The following TYW1 variants were observed in gnomAD, a reference collection of about 807,000 sequenced individuals.
The protein encoded by TYW1 is tRNA-yW synthesizing protein 1 homolog, also known as S-adenosyl-L-methionine-dependent tRNA 4-demethylwyosine synthase TYW1.
TYW1 carries 46 observed loss-of-function variants against 96.2 expected under a neutral mutation model. The observed-to-expected ratio is 0.48, with a 90% CI of 0.38 to 0.61. The LOEUF (loss-of-function observed/expected upper bound fraction) is 0.61. Ranked by LOEUF, TYW1 falls within the 20% of genes least tolerant of loss-of-function variation. The probability of loss-of-function intolerance (pLI) is 0.00; values close to 1 mark genes in which losing one functional copy is unlikely to be tolerated. For synonymous variants in TYW1, 274 were observed against 323.0 expected, an observed-to-expected ratio of 0.85 and a Z score of 1.63; for missense variants, 684 against 909.6, an observed-to-expected ratio of 0.75 and a Z score of 3.19.
chr7:67,093,499 G>A (rs1796786975), intron 11 of TYW1, among the ~76,000 whole-genome samples: 1 of 152,164 alleles, frequency 6.6e-6, no homozygotes, highest in African/African-American at 2.4e-5. Flanking sequence ...GGTTGGTTTT[G>A]GAGTTCAGGT....
At position 67,214,170 on chromosome 7, in the gene TYW1, C is replaced by G. The variant is rs548238101; in HGVS notation, c.1977+18833C>G. Among the ~76,000 whole-genome samples the G allele has an allele frequency of 5.3e-5, 8 of 152,148 alleles. No homozygotes were observed. The East Asian group carries it at 1.5e-3, about 29-fold the overall frequency. On this transcript the variant is annotated intron_variant, in intron 15 of 15. Transcript: ENST00000359626. ...ATATCCTCCCATTTACTGAAATATGCCTGATTTTTTTTAATCAGACTTTGT... is the reference window on the plus strand; with the variant it reads ...ATATCCTCCCATTTACTGAAATATGGCTGATTTTTTTTAATCAGACTTTGT...
intron 7 of TYW1, among the ~76,000 whole-genome samples, chr7:67,029,416 T>TATACATATATATATATATAC (rs1794591001): frequency 8.0e-4 from 78 of 97,504 alleles, no homozygotes; most frequent in Non-Finnish European, 1.1e-3. Context: ...TGTGTGTGTG[T>TATACATATATATATATATAC]ATATATATAT....
At position 67,048,089 on chromosome 7, in the gene TYW1, C is replaced by CGTGTTAAAATTTTTAATCTGTTATAT. The variant is rs57594073; in HGVS notation, c.985-1860_985-1859insGTGTTAAAATTTTTAATCTGTTATAT. Among the ~76,000 whole-genome samples, 2 of 78,364 alleles carry CGTGTTAAAATTTTTAATCTGTTATAT rather than the reference C, an allele frequency of 2.6e-5. 1 individual carries two copies. The highest frequency in any genetic ancestry group is 1.0e-4 in the African/African-American group (2 of 19,486). The allele number at this position is 78,364 out of a possible 152,430, so 51.4% of individuals were successfully genotyped here. A position where few individuals can be genotyped will look rare whatever the true frequency, so the allele number is the denominator to read the frequency against. On this transcript the variant is annotated intron_variant, in intron 7 of 15. Coordinates refer to ENST00000359626, the MANE Select transcript of TYW1 (RefSeq NM_018264.4). ...AGGCGTGAGCCAACGTGCCCAGCCA[C>CGTGTTAAAATTTTTAATCTGTTATAT]ATATGGGGGACATTGAATGTTCTCA...
At chr7:67,133,854 CT>C (rs1296557977) in intron 13 of TYW1, among the ~76,000 whole-genome samples, 1 of 151,548 alleles carries the variant, frequency 6.6e-6, no homozygotes, top group Non-Finnish European at 1.5e-5. Context: ...TTCTTTCTGC[CT>C]GTAATGGGCT....
intron 11 of TYW1, among the ~76,000 whole-genome samples, chr7:67,092,992 G>A (rs148784740): frequency 0.063 from 9,608 of 151,766 alleles, 418 homozygotes; most frequent in South Asian, 0.11. Context: ...CCAAAACTTC[G>A]TCTTTACCAA....
intron 13 of TYW1, among the ~76,000 whole-genome samples, chr7:67,182,697 A>C (rs1447037131): frequency 6.6e-6 from 1 of 152,264 alleles, no homozygotes; most frequent in East Asian, 1.9e-4. Flanking sequence ...ATGAGGGAGT[A>C]GGAAAGAAGA....
intron 13 of TYW1, among the ~76,000 whole-genome samples, chr7:67,127,553 T>TA: frequency 6.6e-6 from 1 of 152,350 alleles, no homozygotes; most frequent in East Asian, 1.9e-4. Flanking sequence ...GCATAATCAA[T>TA]ATATTGTTGC....
chr7:67,178,613 C>G (rs370497779), intron 13 of TYW1, among the ~76,000 whole-genome samples: 2 of 152,060 alleles, frequency 1.3e-5, no homozygotes, highest in East Asian at 3.9e-4. Flanking sequence ...TGAAAATGAA[C>G]AAACCTAAAC....
At chr7:67,006,683 G>T (rs369513081) in intron 3 of TYW1, among the ~76,000 whole-genome samples, 1 of 151,786 alleles carries the variant, frequency 6.6e-6, no homozygotes, top group Non-Finnish European at 1.5e-5. Context: ...CAAGTGATCC[G>T]CCCGCCTTGA....
intron 15 of TYW1, 104 bp from the exon 16 acceptor site, chr7:67,238,204 G>A (rs893500726): frequency 6.7e-5 from 101 of 1,516,310 alleles, no homozygotes; most frequent in Middle Eastern, 5.5e-4. Context: ...TTTTCTTGAC[G>A]TGATAGGGAG....
At chr7:67,059,642 C>G (rs780770320) in intron 9 of TYW1, among the ~76,000 whole-genome samples, 5 of 148,958 alleles carry the variant, frequency 3.4e-5, no homozygotes, top group Non-Finnish European at 3.0e-5. Flanking sequence ...TAACTCTCCT[C>G]ATGGTCTTCC....
At chr7:67,021,023 G>A (rs984208421) in intron 6 of TYW1, among the ~76,000 whole-genome samples, 3 of 152,280 alleles carry the variant, frequency 2.0e-5, no homozygotes, top group African/African-American at 7.2e-5. Flanking sequence ...GCGAGACGCT[G>A]TCTCCAAAAA....
At chr7:66,998,015 C>A in intron 1 of TYW1, 50 bp from the exon 2 acceptor site, 1 of 1,518,358 alleles carries the variant, frequency 6.6e-7, no homozygotes, top group Non-Finnish European at 8.8e-7. Context: ...GGATGGATAT[C>A]TTTGTATATG....
At chr7:67,035,887 C>A (rs1290921117) in intron 7 of TYW1, among the ~76,000 whole-genome samples, 1 of 151,544 alleles carries the variant, frequency 6.6e-6, no homozygotes, top group African/African-American at 2.4e-5. Context: ...CCGTGTTAGC[C>A]AGGATGGTCC....
chr7:67,220,718 G>A (rs1801361122), intron 15 of TYW1, among the ~76,000 whole-genome samples: 1 of 149,736 alleles, frequency 6.7e-6, no homozygotes, highest in Non-Finnish European at 1.5e-5. Context: ...CCCTTCAAGT[G>A]CTTTATTTTC....
intron 13 of TYW1, among the ~76,000 whole-genome samples, chr7:67,146,509 A>C (rs74481573): frequency 0.14 from 21,376 of 151,292 alleles, 1,879 homozygotes; most frequent in East Asian, 0.29. Context: ...CACTGAACAC[A>C]ATGGAGCAAG....
intron 3 of TYW1, 91 bp downstream of exon 3, chr7:66,999,045 A>C: frequency 7.6e-7 from 1 of 1,323,434 alleles, no homozygotes; most frequent in Non-Finnish European, 1.1e-6. Context: ...ACTGTCCTTT[A>C]GCAGTGAACT....
intron 6 of TYW1, among the ~76,000 whole-genome samples, chr7:67,018,973 AG>A (rs772206757): frequency 0.11 from 10,787 of 100,858 alleles, 566 homozygotes; most frequent in East Asian, 0.29. Flanking sequence ...AAAAAAAAAA[AG>A]AAAAAAACAA....
intron 15 of TYW1, among the ~76,000 whole-genome samples, chr7:67,200,181 A>G (rs1217929020): frequency 2.6e-5 from 4 of 152,150 alleles, no homozygotes; most frequent in Non-Finnish European, 1.5e-5. Context: ...ATAGACCCTC[A>G]TTATTCTCTA....
Sources: gnomAD v4.1 joint callset for allele counts (sites outside exome capture counted in the v4.1 genomes callset) on GRCh38, gnomAD v4.1.1 for gene constraint, MANE v1.5 for transcripts, NCBI Gene and HGNC (gene_info 2026-07-23, HGNC 2026-07-21) for gene names.